TRAF5: variants seen among roughly 807,000 people sequenced by gnomAD.
TRAF5 encodes the protein TNF receptor-associated factor 5.
A neutral mutation model predicts 64.5 loss-of-function variants in TRAF5; 48 were observed. That is an observed-to-expected ratio of 0.74 (90% CI 0.59 to 0.95). The LOEUF (loss-of-function observed/expected upper bound fraction) is 0.95. TRAF5 is among the 40% of genes least tolerant of loss of function. The pLI, the probability that TRAF5 is intolerant of heterozygous loss-of-function variation, is 0.00. For missense variants in TRAF5, 545 were observed against 662.8 expected, an observed-to-expected ratio of 0.82 and a Z score of 1.95; for synonymous variants, 206 against 240.5, an observed-to-expected ratio of 0.86 and a Z score of 1.33.
chr1:211,348,390 T>A (rs1471397692), intron 1 of TRAF5, among the ~76,000 whole-genome samples: 1 of 152,238 alleles, frequency 6.6e-6, no homozygotes, highest in Admixed American at 6.5e-5. Flanking sequence ...TGAATAGATA[T>A]AATTTGCGTA....
At position 211,372,292 on chromosome 1, in the gene TRAF5, G is replaced by C; in HGVS notation, c.1264G>C (p.Asp422His). 6.2e-7 allele frequency: 1 copy of C among 1,614,132 alleles called. No individual in the cohort carries two copies. Among genetic ancestry groups the C allele is most frequent in the Non-Finnish European group, 8.5e-7 (1 of 1,180,018 alleles). The change falls in exon 11 of 11, where the codon GAT (aspartate) becomes CAT (histidine). Residue 422 changes from aspartate (D) to histidine (H), a missense_variant. Asp to His is a moderately conservative substitution (Grantham distance 81). Transcript: ENST00000261464. ...DYKMKKREAV[D>H]GHTVSIFSQS... Reference sequence around the variant, plus strand: ...CAAGATGAAGAAGAGAGAGGCGGTGGATGGGCACACAGTGTCCATCTTCAG... The same window carrying C: ...CAAGATGAAGAAGAGAGAGGCGGTGCATGGGCACACAGTGTCCATCTTCAG...
intron 1 of TRAF5, among the ~76,000 whole-genome samples, chr1:211,332,086 A>G (rs1572050314): frequency 6.6e-6 from 1 of 152,064 alleles, no homozygotes; most frequent in Non-Finnish European, 1.5e-5. Context: ...ATAAGCTGGG[A>G]TGAGTTCTTG....
intron 9 of TRAF5, among the ~76,000 whole-genome samples, chr1:211,371,078 C>A (rs1703506583): frequency 6.6e-6 from 1 of 152,046 alleles, no homozygotes; most frequent in African/African-American, 2.4e-5. Flanking sequence ...AAGAAAAGTT[C>A]AAACATTTAG....
Position 211,371,301 on chromosome 1 carries a change from G to T in TRAF5, c.931-1G>T, listed in dbSNP as rs1488277181. Reference sequence around the variant, plus strand: ...CATGATTATCCATTTTGTAATGAAAGGTTTTTGCCAGTCACATTGACAAGT... The same window carrying T: ...CATGATTATCCATTTTGTAATGAAATGTTTTTGCCAGTCACATTGACAAGT... On this transcript the variant is annotated splice_acceptor_variant, in intron 9 of 10. Coordinates refer to ENST00000261464, the MANE Select transcript of TRAF5 (RefSeq NM_001033910.3). LOFTEE classifies it high-confidence loss of function. 6.4e-7 allele frequency: 1 copy of T among 1,571,228 alleles called. No homozygotes were observed. The highest frequency in any genetic ancestry group is 2.2e-5 in the Admixed American group (1 of 45,712).
intron 1 of TRAF5, among the ~76,000 whole-genome samples, chr1:211,336,372 G>A (rs1211067166): frequency 3.9e-5 from 6 of 152,114 alleles, no homozygotes; most frequent in South Asian, 2.1e-4. Context: ...CAGAGGGAGC[G>A]CTGCTCAGGC....
intron 1 of TRAF5, among the ~76,000 whole-genome samples, chr1:211,330,330 C>A (rs889881293): frequency 4.0e-5 from 6 of 151,824 alleles, no homozygotes; most frequent in Non-Finnish European, 5.9e-5. Flanking sequence ...CAACTTCCCT[C>A]CTTACCAATT....
chr1:211,327,954 G>A (rs562247068), intron 1 of TRAF5, among the ~76,000 whole-genome samples: 1 of 152,330 alleles, frequency 6.6e-6, no homozygotes, highest in South Asian at 2.1e-4. Context: ...GTGAGAACTG[G>A]GCTGGGGCCA....
At chr1:211,340,665 C>A (rs1187297480) in intron 1 of TRAF5, among the ~76,000 whole-genome samples, 4 of 152,176 alleles carry the variant, frequency 2.6e-5, no homozygotes, top group African/African-American at 9.7e-5. Context: ...TGCTTCTAGC[C>A]CTCCTAGGCT....
chr1:211,369,716 G>A (rs1558149077), intron 9 of TRAF5, 124 bp downstream of exon 9: 3 of 1,116,594 alleles, frequency 2.7e-6, no homozygotes, highest in Non-Finnish European at 3.7e-6. Context: ...ATAAGATGGT[G>A]CAAAGAACAC....
chr1:211,327,461 C>T (rs957615517), intron 1 of TRAF5, among the ~76,000 whole-genome samples: 2 of 152,206 alleles, frequency 1.3e-5, no homozygotes, highest in Admixed American at 6.5e-5. Flanking sequence ...CAGCTACCCC[C>T]CTCCCCCAGA....
intron 9 of TRAF5, among the ~76,000 whole-genome samples, chr1:211,369,822 A>ATG (rs139123011): frequency 0.041 from 6,241 of 151,076 alleles, 165 homozygotes; most frequent in Middle Eastern, 0.13. Flanking sequence ...CCCGACGTGT[A>ATG]TGTGTGTGTG....
chr1:211,370,862 C>T (rs1456829063), intron 9 of TRAF5, among the ~76,000 whole-genome samples: 2 of 152,174 alleles, frequency 1.3e-5, no homozygotes, highest in Admixed American at 6.5e-5. Context: ...GGGCCTTCTG[C>T]ACCACCTGTA....
rs544519823 is a variant in TRAF5, at chr1:211,356,646, G to T, written c.378+178G>T. ...GTGCTGTAGCCCACCTACGGCTGAGGTGTGAGTGAAGAGGTTCGTCCTGTA... is the reference window on the plus strand; with the variant it reads ...GTGCTGTAGCCCACCTACGGCTGAGTTGTGAGTGAAGAGGTTCGTCCTGTA... On this transcript the variant is annotated intron_variant, in intron 4 of 10. Transcript: ENST00000261464. 3.7e-5 allele frequency: 21 copies of T among 571,600 alleles called. No homozygotes were observed. In the East Asian group the frequency reaches 5.8e-4, roughly 16 times the overall value. 35.4% of individuals were successfully genotyped at this position (571,600 alleles called of 1,614,324 possible).
rs779586668 is a variant in TRAF5 at position 211,369,442 on chromosome 1, C to G, written c.790-10C>G. ...AGTGACTTTATTTTTCCTCACGTTC[C>G]TGTTATTAGATTTCTGACTTACACA... is the stretch of plus-strand genomic sequence containing the variant. On this transcript the variant is annotated splice_polypyrimidine_tract_variant and intron_variant, in intron 8 of 10. Coordinates refer to ENST00000261464, the MANE Select transcript of TRAF5 (RefSeq NM_001033910.3). The G allele has an allele frequency of 8.3e-6, 13 of 1,568,376 alleles. No individual in the cohort carries two copies. In the South Asian group the frequency reaches 1.6e-4, roughly 19 times the overall value.
rs1486418613 is a variant in TRAF5 at position 211,372,877 on chromosome 1, G to A, written c.*175G>A. 2.2e-5 allele frequency: 12 copies of A among 539,894 alleles called. No individual in the cohort carries two copies. The East Asian group carries it at 2.9e-4, about 13-fold the overall frequency. 33.4% of individuals were successfully genotyped at this position (539,894 alleles called of 1,614,324 possible). A position where few individuals can be genotyped will look rare whatever the true frequency, so the allele number is the denominator to read the frequency against. ...GTGCTGTCTTTTTACATTTTACTCT[G>A]TCCCAGTTTGAAACTTAAAACTCTT... On this transcript the variant is annotated 3_prime_UTR_variant, in exon 11 of 11. Transcript: ENST00000261464.
intron 9 of TRAF5, among the ~76,000 whole-genome samples, chr1:211,370,626 T>C (rs1439725531): frequency 1.3e-5 from 2 of 152,156 alleles, no homozygotes; most frequent in Admixed American, 1.3e-4. Context: ...TTAAACATGC[T>C]CAGAACACTT....
At chr1:211,360,842 T>A in intron 6 of TRAF5, 63 bp downstream of exon 6, 1 of 1,478,672 alleles carries the variant, frequency 6.8e-7, no homozygotes, top group Non-Finnish European at 9.4e-7. Context: ...ATCATTGTGG[T>A]CTGTGTTTGA....
intron 1 of TRAF5, among the ~76,000 whole-genome samples, chr1:211,339,782 T>C (rs1262526294): frequency 6.6e-6 from 1 of 152,192 alleles, no homozygotes; most frequent in Non-Finnish European, 1.5e-5. Flanking sequence ...GCTTCCTCTG[T>C]GGACTGGGCC....
At chr1:211,363,922 A>G (rs1703265845) in intron 7 of TRAF5, among the ~76,000 whole-genome samples, 3 of 151,814 alleles carry the variant, frequency 2.0e-5, no homozygotes, top group Non-Finnish European at 4.4e-5. Flanking sequence ...AAAAAAAAAA[A>G]AAAAAAAAAA....
Sources: gnomAD v4.1 joint callset for allele counts (sites outside exome capture counted in the v4.1 genomes callset) on GRCh38, gnomAD v4.1.1 for gene constraint, MANE v1.5 for transcripts, NCBI Gene and HGNC (gene_info 2026-07-23, HGNC 2026-07-21) for gene names.